Variants in IRAK2 observed in about 807,000 individuals in gnomAD.
IRAK2 encodes interleukin 1 receptor associated kinase 2, also known as interleukin-1 receptor-associated kinase-like 2.
Under a neutral mutation model 72.0 loss-of-function variants are expected in IRAK2, and 57 were observed. The observed-to-expected ratio is 0.79, with a 90% CI of 0.64 to 0.99. IRAK2 has a LOEUF of 0.99. IRAK2 is among the 50% of genes least tolerant of loss of function. IRAK2 has a pLI of 0.00. For missense variants in IRAK2, 790 were observed against 794.4 expected (o/e 0.99, Z 0.07); for synonymous variants, 293 against 312.7 (o/e 0.94, Z 0.67).
intron 12 of IRAK2, among the ~76,000 whole-genome samples, chr3:10,240,578 A>G (rs1219948144): frequency 2.5e-5 from 1 of 40,780 alleles, no homozygotes; most frequent in Non-Finnish European, 4.1e-5. Context: ...TTTTGTTTTG[A>G]GACAGTGTTT....
intron 12 of IRAK2, among the ~76,000 whole-genome samples, chr3:10,239,721 C>T (rs11465935): frequency 0.012 from 1,761 of 151,858 alleles, 26 homozygotes; most frequent in African/African-American, 0.027. Context: ...AACAAGAGTC[C>T]GTCTCAAAAA....
chr3:10,166,733 C>T (rs1696695213), intron 1 of IRAK2, among the ~76,000 whole-genome samples: 1 of 152,164 alleles, frequency 6.6e-6, no homozygotes, highest in Admixed American at 6.6e-5. Flanking sequence ...CAGCTTCCGC[C>T]TCTTGGATTC....
chr3:10,227,912 G>T (rs966061361), intron 10 of IRAK2, among the ~76,000 whole-genome samples: 4 of 151,832 alleles, frequency 2.6e-5, no homozygotes, highest in African/African-American at 9.7e-5. Context: ...CTCGTGATCC[G>T]CCCGCCTCGG....
chr3:10,216,386 G>C (rs1050368395), intron 6 of IRAK2, among the ~76,000 whole-genome samples: 4 of 152,076 alleles, frequency 2.6e-5, no homozygotes, highest in South Asian at 4.1e-4. Flanking sequence ...AGAGATTTGG[G>C]AATATTCCTT....
intron 1 of IRAK2, among the ~76,000 whole-genome samples, chr3:10,170,496 T>C (rs3844279): frequency 0.17 from 26,617 of 152,214 alleles, 2,678 homozygotes; most frequent in Admixed American, 0.26. Flanking sequence ...TCAAGAGGAC[T>C]TTCCTGCCCC....
At chr3:10,179,275 GTT>G (rs58462207) in intron 2 of IRAK2, among the ~76,000 whole-genome samples, 1 of 136,668 alleles carries the variant, frequency 7.3e-6, no homozygotes. Flanking sequence ...TTTTTCAGTT[GTT>G]TTTTTTTTTT....
chr3:10,215,436 AAAAC>A (rs935748902), intron 6 of IRAK2, among the ~76,000 whole-genome samples: 2 of 151,390 alleles, frequency 1.3e-5, no homozygotes, highest in African/African-American at 4.8e-5. Context: ...ATTAAAAAGT[AAAAC>A]AAATTTAAAA....
rs1459671717 is a variant in IRAK2, at chr3:10,234,505, G to A, written c.1319G>A (p.Cys440Tyr). The change falls in exon 11 of 13, where the codon TGC (cysteine) becomes TAC (tyrosine). Residue 440 changes from cysteine to tyrosine, a missense_variant. Coordinates refer to ENST00000256458, the MANE Select transcript of IRAK2 (RefSeq NM_001570.4). Reference protein sequence around the residue: ...SDIPSSTASLCSRKTGVENVM... With the variant: ...SDIPSSTASLYSRKTGVENVM... ...ATTCCAAGCAGCACCGCCTCGCTCT[G>A]CTCCAGGAAGACGGGCGTGGAGAAC... is the stretch of plus-strand genomic sequence containing the variant. 5.0e-6 allele frequency: 8 copies of A among 1,614,176 alleles called. No homozygotes were observed. Among genetic ancestry groups the A allele is most frequent in the Non-Finnish European group, 6.8e-6 (8 of 1,180,032 alleles).
chr3:10,221,014 A>G (rs1318350957), intron 8 of IRAK2, among the ~76,000 whole-genome samples: 2 of 151,896 alleles, frequency 1.3e-5, no homozygotes, highest in East Asian at 3.9e-4. Flanking sequence ...TCTTCCCGTG[A>G]AGGAATTTGC....
At chr3:10,172,231 G>C (rs1437030530) in intron 1 of IRAK2, among the ~76,000 whole-genome samples, 1 of 151,846 alleles carries the variant, frequency 6.6e-6, no homozygotes, top group African/African-American at 2.4e-5. Context: ...GCCGGGCATG[G>C]TGGCAGGCGC....
At chr3:10,212,645 G>A (rs1440099604) in intron 4 of IRAK2, among the ~76,000 whole-genome samples, 1 of 151,834 alleles carries the variant, frequency 6.6e-6, no homozygotes, top group Non-Finnish European at 1.5e-5. Flanking sequence ...GGGTACTATT[G>A]TTACCTTCAT....
intron 2 of IRAK2, among the ~76,000 whole-genome samples, chr3:10,188,557 G>A (rs1268290317): frequency 6.7e-6 from 1 of 149,690 alleles, no homozygotes; most frequent in Non-Finnish European, 1.5e-5. Flanking sequence ...ATGGAGTTTC[G>A]CTCTTGTTGC....
At chr3:10,202,936 C>T (rs1440557393) in intron 3 of IRAK2, among the ~76,000 whole-genome samples, 2 of 151,540 alleles carry the variant, frequency 1.3e-5, no homozygotes, top group African/African-American at 4.8e-5. Flanking sequence ...GCGATTCTCC[C>T]ACCTTGGCCT....
At chr3:10,205,583 G>A (rs1697422432) in intron 3 of IRAK2, among the ~76,000 whole-genome samples, 1 of 152,214 alleles carries the variant, frequency 6.6e-6, no homozygotes, top group Non-Finnish European at 1.5e-5. Flanking sequence ...TGTGTGCAGA[G>A]ACAGCCCTGC....
intron 4 of IRAK2, among the ~76,000 whole-genome samples, chr3:10,210,350 C>T (rs1049246252): frequency 1.5e-4 from 23 of 151,836 alleles, no homozygotes; most frequent in African/African-American, 5.6e-4. Context: ...CACCACATTC[C>T]ACCCTGGGTG....
intron 12 of IRAK2, among the ~76,000 whole-genome samples, chr3:10,241,770 C>T (rs1175860645): frequency 7.2e-6 from 1 of 139,300 alleles, no homozygotes; most frequent in Non-Finnish European, 1.5e-5. Context: ...TGTGTGTCGT[C>T]CAGCCTGAGC....
chr3:10,234,786 C>A, intron 11 of IRAK2, 127 bp downstream of exon 11: 1 of 809,198 alleles, frequency 1.2e-6, no homozygotes. Context: ...GCAGAACCTC[C>A]TAGAGCTCCC....
intron 11 of IRAK2, among the ~76,000 whole-genome samples, chr3:10,236,236 C>T (rs1697956177): frequency 6.6e-6 from 1 of 150,930 alleles, no homozygotes; most frequent in Non-Finnish European, 1.5e-5. Context: ...AGGGCTAGAA[C>T]ACAACACATG....
chr3:10,236,070 G>A (rs1057038124), intron 11 of IRAK2, among the ~76,000 whole-genome samples: 7 of 152,104 alleles, frequency 4.6e-5, no homozygotes, highest in African/African-American at 9.7e-5. Flanking sequence ...TGTGGTGAGC[G>A]CCAGGACAGT....
Sources: allele counts gnomAD v4.1 joint callset (sites outside exome capture counted in the v4.1 genomes callset), GRCh38; gene constraint gnomAD v4.1.1; transcripts MANE v1.5; gene names NCBI Gene and HGNC (gene_info 2026-07-23, HGNC 2026-07-21).